The following GIT2 variants were observed in gnomAD, a reference collection of about 807,000 sequenced individuals.
The protein encoded by GIT2 is ARF GTPase-activating protein GIT2.
Under a neutral mutation model 100.3 loss-of-function variants are expected in GIT2, and 32 were observed. The ratio of observed to expected loss-of-function variants is 0.32; its 90% CI spans 0.24 to 0.43. The LOEUF is 0.43. Ranked by LOEUF, GIT2 falls within the 20% of genes least tolerant of loss-of-function variation. GIT2 has a pLI of 1.00. For missense variants in GIT2, 737 were observed against 975.1 expected, an observed-to-expected ratio of 0.76 and a Z score of 3.25; for synonymous variants, 353 against 364.1, an observed-to-expected ratio of 0.97 and a Z score of 0.35.
chr12:109,996,158 G>A lies in GIT2; in HGVS notation c.52+15C>T. On this transcript the variant is annotated intron_variant, in intron 1 of 19. Transcript: ENST00000355312. Reference sequence around the variant, plus strand: ...AGGAAAGCAGAGGGGAGCGGGCCCGGCCGGTGCGACTCACCCGGCCCGCTG... The same window carrying A: ...AGGAAAGCAGAGGGGAGCGGGCCCGACCGGTGCGACTCACCCGGCCCGCTG... The A allele has an allele frequency of 6.7e-7, 1 of 1,499,676 alleles. No individual in the cohort carries two copies. The highest frequency in any genetic ancestry group is 1.4e-5 in the African/African-American group (1 of 69,330). The allele number at this position is 1,499,676 out of a possible 1,614,324, so 92.9% of individuals were successfully genotyped here. A position where few individuals can be genotyped will look rare whatever the true frequency, so the allele number is the denominator to read the frequency against.
At chr12:109,965,965 C>T (rs963480850) in intron 8 of GIT2, among the ~76,000 whole-genome samples, 5 of 148,772 alleles carry the variant, frequency 3.4e-5, no homozygotes, top group East Asian at 2.0e-4. Flanking sequence ...GTTGGGAGGC[C>T]GAGGTGGGAG....
intron 16 of GIT2, chr12:109,940,222 T>C (rs1180672482): frequency 1.3e-5 from 2 of 152,200 alleles, no homozygotes; most frequent in Non-Finnish European, 2.9e-5. Flanking sequence ...CACGATCTTC[T>C]AGGGTGACGA....
upstream of GIT2, chr12:109,996,381 C>A (rs1889436331): frequency 1.5e-5 from 8 of 545,216 alleles, no homozygotes; most frequent in South Asian, 1.6e-4. Context: ...CACGCACGCG[C>A]GGGGAGGTGC....
rs776196849 is a variant in GIT2 at position 109,932,980 on chromosome 12, AGTT to A, written c.2275_2277del (p.Asn759del). ...GAGGAGGCGGTGCCCTGCCCTTGTC[AGTT>A]GTTGTTCTCTTTGGTGGTGATGGTA... On this transcript the variant is annotated inframe_deletion, in exon 20 of 20. Coordinates refer to ENST00000355312, the MANE Select transcript of GIT2 (RefSeq NM_057169.5). 3.1e-5 allele frequency: 49 copies of A among 1,589,948 alleles called. No homozygotes were observed. Among genetic ancestry groups the A allele is most frequent in the South Asian group, 2.0e-4 (18 of 90,520 alleles).
chr12:109,984,422 A>G (rs1886943971), intron 4 of GIT2, among the ~76,000 whole-genome samples: 1 of 151,926 alleles, frequency 6.6e-6, no homozygotes, highest in African/African-American at 2.4e-5. Context: ...AAAAAAAATA[A>G]AAAATAAAAA....
rs1319723839 is a variant in GIT2 at position 109,996,355 on chromosome 12, T to C, written c.-131A>G. On this transcript the variant is annotated 5_prime_UTR_variant, in exon 1 of 20. Coordinates refer to ENST00000355312, the MANE Select transcript of GIT2 (RefSeq NM_057169.5). ...GGCGGCGCCTCTCCCCTCAGCGCCT[T>C]GCAGCCTTGGCACAGCACGCACGCG... is the stretch of plus-strand genomic sequence containing the variant. The C allele has an allele frequency of 2.2e-5, 14 of 624,860 alleles. No individual in the cohort carries two copies. Among genetic ancestry groups the C allele is most frequent in the African/African-American group, 2.0e-4 (10 of 51,138 alleles). The allele number at this position is 624,860 out of a possible 1,614,324, so 38.7% of individuals were successfully genotyped here. A position where few individuals can be genotyped will look rare whatever the true frequency, so the allele number is the denominator to read the frequency against.
chr12:109,983,229 T>C, intron 6 of GIT2, 144 bp downstream of exon 6: 1 of 751,968 alleles, frequency 1.3e-6, no homozygotes, highest in East Asian at 2.6e-5. Context: ...CTTATATGCA[T>C]TTGAAATGTC....
At chr12:109,982,874 GGCCTCA>G (rs1886610626) in intron 6 of GIT2, 2 of 151,694 alleles carry the variant, frequency 1.3e-5, no homozygotes, top group African/African-American at 4.9e-5. Flanking sequence ...TCGAACTTCT[GGCCTCA>G]AGTAACCCAC....
rs956044753 is a variant in GIT2 at position 109,932,895 on chromosome 12, A to G, written c.*83T>C. 7.8e-6 allele frequency: 6 copies of G among 773,752 alleles called. No individual in the cohort carries two copies. Among genetic ancestry groups the G allele is most frequent in the Non-Finnish European group, 1.3e-5 (6 of 445,504 alleles). The allele number at this position is 773,752 out of a possible 1,614,324, so 47.9% of individuals were successfully genotyped here. ...ACCGTCATTAAATGTTTCTTTTTGTAGAAATCTGAAGAGTTCTGCGTCTGA... is the reference window on the plus strand; with the variant it reads ...ACCGTCATTAAATGTTTCTTTTTGTGGAAATCTGAAGAGTTCTGCGTCTGA... On this transcript the variant is annotated 3_prime_UTR_variant, in exon 20 of 20. Transcript: ENST00000355312.
rs1317987266 is a variant in GIT2, at chr12:109,931,888, G to A, written c.*1090C>T. The A allele has an allele frequency of 6.6e-6, 1 of 152,230 alleles. No homozygotes were observed. The highest frequency in any genetic ancestry group is 1.5e-5 in the Non-Finnish European group (1 of 68,046). 9.4% of individuals were successfully genotyped at this position (152,230 alleles called of 1,614,324 possible). A position where few individuals can be genotyped will look rare whatever the true frequency, so the allele number is the denominator to read the frequency against. On this transcript the variant is annotated 3_prime_UTR_variant, in exon 20 of 20. Coordinates refer to ENST00000355312, the MANE Select transcript of GIT2 (RefSeq NM_057169.5). Reference sequence around the variant, plus strand: ...CTCTAAGGAACTCTTGAAAGTTGATGTCTAATTTTTAAGTACTCATGAGGT... The same window carrying A: ...CTCTAAGGAACTCTTGAAAGTTGATATCTAATTTTTAAGTACTCATGAGGT...
At chr12:109,941,731 G>C (rs1874771332) in intron 16 of GIT2, among the ~76,000 whole-genome samples, 1 of 151,926 alleles carries the variant, frequency 6.6e-6, no homozygotes, top group African/African-American at 2.4e-5. Flanking sequence ...ATGTTGGTTA[G>C]GCTGGTCTCA....
intron 8 of GIT2, among the ~76,000 whole-genome samples, chr12:109,966,508 C>CAAAAAAA (rs749586402): frequency 4.4e-4 from 31 of 70,212 alleles, no homozygotes; most frequent in Non-Finnish European, 3.8e-4. Context: ...GACTCTGTCT[C>CAAAAAAA]AAAAAAAAAA....
chr12:109,992,954 G>A (rs984929620), intron 1 of GIT2, among the ~76,000 whole-genome samples: 13 of 151,750 alleles, frequency 8.6e-5, no homozygotes, highest in African/African-American at 2.7e-4. Context: ...TTACAGGCTT[G>A]AGCCACTGTG....
chr12:109,991,850 G>A, intron 1 of GIT2, 90 bp from the exon 2 acceptor site: 3 of 1,171,160 alleles, frequency 2.6e-6, no homozygotes, highest in African/African-American at 1.5e-5. Context: ...TGGTTTGTCA[G>A]AAAAAGGAGA....
intron 9 of GIT2, among the ~76,000 whole-genome samples, chr12:109,964,001 T>G (rs1406069204): frequency 2.0e-5 from 3 of 152,184 alleles, no homozygotes; most frequent in South Asian, 4.1e-4. Flanking sequence ...TTCCAGGTCT[T>G]TACTTCATGC....
chr12:109,933,333 AC>A lies in GIT2; in HGVS notation c.2068-144del. The A allele has an allele frequency of 1.6e-6, 1 of 606,268 alleles. No individual in the cohort carries two copies. Among genetic ancestry groups the A allele is most frequent in the East Asian group, 2.8e-5 (1 of 36,258 alleles). The allele number at this position is 606,268 out of a possible 1,614,324, so 37.6% of individuals were successfully genotyped here. ...CTGCCCTTTCTCAAAGGGGTGCTTC[AC>A]ACACTCCAAGCTTTGCAGCCCACAG... On this transcript the variant is annotated intron_variant, in intron 19 of 19. Transcript: ENST00000355312. The surrounding 1 kb of genome is among the most constrained non-coding windows in gnomAD (Gnocchi z 4.5).
intron 4 of GIT2, 84 bp from the exon 5 acceptor site, chr12:109,983,778 A>G: frequency 3.8e-6 from 3 of 798,394 alleles, no homozygotes; most frequent in Non-Finnish European, 6.4e-6. Flanking sequence ...CCATTTTAAT[A>G]TATGTTACAT....
At chr12:109,938,677 C>T in intron 17 of GIT2, 109 bp from the exon 18 acceptor site, 6 of 742,358 alleles carry the variant, frequency 8.1e-6, no homozygotes, top group Admixed American at 2.8e-5. Context: ...AGGCTGGTCT[C>T]GTCATTTCCT....
intron 11 of GIT2, 50 bp downstream of exon 11, chr12:109,961,228 G>A: frequency 1.0e-6 from 1 of 986,898 alleles, no homozygotes; most frequent in Non-Finnish European, 1.6e-6. Flanking sequence ...AATGAAACAT[G>A]ACATCAGCCA....
Sources: gnomAD v4.1 joint callset for allele counts (sites outside exome capture counted in the v4.1 genomes callset) on GRCh38, gnomAD v4.1.1 for gene constraint, Gnocchi (gnomAD v3.1) non-coding constraint, MANE v1.5 for transcripts, NCBI Gene and HGNC (gene_info 2026-07-23, HGNC 2026-07-21) for gene names.